SLC14A2: variants seen among roughly 807,000 people sequenced by gnomAD.
SLC14A2 encodes urea transporter 2.
Under a neutral mutation model 104.6 loss-of-function variants are expected in SLC14A2, and 91 were observed. That is an observed-to-expected ratio of 0.87 (90% CI 0.73 to 1.04). The LOEUF is 1.04. Ranked by LOEUF, SLC14A2 falls within the 50% of genes least tolerant of loss-of-function variation. SLC14A2 has a pLI of 0.00. For synonymous variants in SLC14A2, 476 were observed against 466.4 expected (o/e 1.02, Z -0.27); for missense variants, 1,189 against 1,156.0 (o/e 1.03, Z -0.41).
chr18:45,280,878 AC>A (rs2084755614), intron 1 of SLC14A2, among the ~76,000 whole-genome samples: 1 of 151,974 alleles, frequency 6.6e-6, no homozygotes, highest in Non-Finnish European at 1.5e-5. Context: ...CCAGCATCCC[AC>A]CATCCCAGCA....
intron 1 of SLC14A2, among the ~76,000 whole-genome samples, chr18:45,414,291 G>A (rs953364922): frequency 3.9e-5 from 6 of 152,158 alleles, no homozygotes; most frequent in Non-Finnish European, 7.4e-5. Context: ...AGTGCATGAA[G>A]TTCAACTAAA....
At chr18:45,175,727 T>C in the SLC14A2 span, among the ~76,000 whole-genome samples, 1 of 152,184 alleles carries the variant, frequency 6.6e-6, no homozygotes, top group African/African-American at 2.4e-5. Flanking sequence ...TGCTGACTTA[T>C]TATTGGGCCA....
chr18:45,364,507 T>C (rs1221221471), intron 1 of SLC14A2, among the ~76,000 whole-genome samples: 1 of 152,214 alleles, frequency 6.6e-6, no homozygotes, highest in Non-Finnish European at 1.5e-5. Context: ...AACTTATACA[T>C]GAACATATAT....
chr18:45,632,601 G>T, intron 5 of SLC14A2, 123 bp downstream of exon 5: 1 of 1,034,048 alleles, frequency 9.7e-7, no homozygotes. Flanking sequence ...AAGTTAGCTT[G>T]TCTGACACCA....
intron 1 of SLC14A2, among the ~76,000 whole-genome samples, chr18:45,476,533 C>T (rs548619256): frequency 6.6e-6 from 1 of 152,142 alleles, no homozygotes; most frequent in Non-Finnish European, 1.5e-5. Context: ...GCCTGCCTTG[C>T]GAGGCTGGGG....
chr18:45,308,571 C>A (rs2085046983), intron 1 of SLC14A2, among the ~76,000 whole-genome samples: 8 of 152,180 alleles, frequency 5.3e-5, no homozygotes, highest in Admixed American at 5.2e-4. Context: ...TCGCTTTCCT[C>A]CCCTCGTTCA....
chr18:45,519,328 C>T (rs72915327), intron 2 of SLC14A2, among the ~76,000 whole-genome samples: 13,220 of 152,140 alleles, frequency 0.087, 705 homozygotes, highest in Non-Finnish European at 0.12. Context: ...GATTAGCTAC[C>T]CCTGAATCAA....
At chr18:45,333,392 T>G (rs1352349511) in intron 1 of SLC14A2, among the ~76,000 whole-genome samples, 20 of 152,010 alleles carry the variant, frequency 1.3e-4, no homozygotes, top group Admixed American at 1.2e-3. Context: ...TGGGAAAGAG[T>G]CATAATACAG....
At chr18:45,292,487 A>G (rs73427961) in intron 1 of SLC14A2, among the ~76,000 whole-genome samples, 84 of 152,314 alleles carry the variant, frequency 5.5e-4, no homozygotes, top group African/African-American at 1.9e-3. Flanking sequence ...TTTCAGTGGT[A>G]TTAGTGGAGC....
At chr18:45,197,035 C>G in the SLC14A2 span, among the ~76,000 whole-genome samples, 2 of 152,096 alleles carry the variant, frequency 1.3e-5, no homozygotes, top group Admixed American at 6.5e-5. Flanking sequence ...CTTCAGAAAT[C>G]CGGAGGAAAA....
intron 10 of SLC14A2, among the ~76,000 whole-genome samples, chr18:45,645,632 A>ATATATATATATATATAT (rs1568312070): frequency 1.4e-4 from 1 of 7,082 alleles, no homozygotes; most frequent in Non-Finnish European, 4.9e-4. Flanking sequence ...TACATATACA[A>ATATATATATATATATAT]AGATATATAT....
intron 1 of SLC14A2, among the ~76,000 whole-genome samples, chr18:45,480,397 C>A (rs554844338): frequency 2.0e-5 from 3 of 152,182 alleles, no homozygotes; most frequent in Admixed American, 6.5e-5. Context: ...GAGCTGAATG[C>A]AATTGGCTGC....
chr18:45,634,165 T>C (rs1464671610), intron 5 of SLC14A2, among the ~76,000 whole-genome samples: 1 of 152,202 alleles, frequency 6.6e-6, no homozygotes, highest in Non-Finnish European at 1.5e-5. Context: ...AATCCATTTA[T>C]GGGGACCCTG....
chr18:45,191,368 G>T, the SLC14A2 span, among the ~76,000 whole-genome samples: 2 of 152,188 alleles, frequency 1.3e-5, no homozygotes, highest in Non-Finnish European at 2.9e-5. Flanking sequence ...GAATCAGAGA[G>T]ACATGATTCA....
At chr18:45,346,980 A>AAAATAAAAATAAAT (rs769804768) in intron 1 of SLC14A2, among the ~76,000 whole-genome samples, 3 of 111,334 alleles carry the variant, frequency 2.7e-5, no homozygotes, top group African/African-American at 1.5e-4. Context: ...AATAAAAATA[A>AAAATAAAAATAAAT]AAATAAATAA....
chr18:45,667,818 C>T lies in SLC14A2; in HGVS notation c.1718-15C>T, dbSNP rs1454800992. On this transcript the variant is annotated splice_polypyrimidine_tract_variant and intron_variant, in intron 13 of 19. Transcript: ENST00000255226. Reference sequence around the variant, plus strand: ...ACTGAGCACTTGCCTACTTCCTGCCCCGGTTCCATTTCAGACAAGTCCCCA... The same window carrying T: ...ACTGAGCACTTGCCTACTTCCTGCCTCGGTTCCATTTCAGACAAGTCCCCA... The T allele has an allele frequency of 4.3e-6, 7 of 1,612,078 alleles. No individual in the cohort carries two copies. The highest frequency in any genetic ancestry group is 5.9e-6 in the Non-Finnish European group (7 of 1,178,276).
intron 19 of SLC14A2, among the ~76,000 whole-genome samples, chr18:45,679,729 A>G (rs1017108142): frequency 1.3e-5 from 2 of 152,220 alleles, no homozygotes; most frequent in South Asian, 4.1e-4. Flanking sequence ...TCTCTCCCTC[A>G]CCTTTAGTAA....
intron 1 of SLC14A2, among the ~76,000 whole-genome samples, chr18:45,333,730 A>G (rs889390439): frequency 3.9e-5 from 6 of 152,220 alleles, no homozygotes; most frequent in African/African-American, 1.4e-4. Flanking sequence ...GCCTTGTCAA[A>G]TTAGAAGGCA....
intron 1 of SLC14A2, among the ~76,000 whole-genome samples, chr18:45,456,194 G>C (rs1231325644): frequency 6.6e-6 from 1 of 152,108 alleles, no homozygotes; most frequent in Admixed American, 6.6e-5. Context: ...ATGCCCCCTG[G>C]GGGCTAAAAT....
Sources: allele counts gnomAD v4.1 joint callset (sites outside exome capture counted in the v4.1 genomes callset), GRCh38; gene constraint gnomAD v4.1.1; transcripts MANE v1.5; gene names NCBI Gene and HGNC (gene_info 2026-07-23, HGNC 2026-07-21).